GRID2: variants seen among roughly 807,000 people sequenced by gnomAD.
GRID2 encodes glutamate ionotropic receptor delta type subunit 2, also known as glutamate receptor ionotropic, delta-2.
In GRID2, 33 loss-of-function variants were observed where a neutral mutation model predicts 114.8. The ratio of observed to expected loss-of-function variants is 0.29; its 90% confidence interval spans 0.22 to 0.38. GRID2 has a LOEUF of 0.38. GRID2 is among the 10% of genes least tolerant of loss of function. The probability of loss-of-function intolerance (pLI) is 1.00; values close to 1 mark genes in which losing one functional copy is unlikely to be tolerated. For missense variants in GRID2, 1,184 were observed against 1,257.7 expected (o/e 0.94, Z 0.89); for synonymous variants, 505 against 449.9 (o/e 1.12, Z -1.55).
At chr4:93,596,688 G>A (rs114089713) in intron 13 of GRID2, among the ~76,000 whole-genome samples, 1,803 of 152,310 alleles carry the variant, frequency 0.012, 34 homozygotes, top group African/African-American at 0.041. Context: ...ATTGTTTTGT[G>A]TTGTAGCATT....
chr4:92,938,432 G>T (rs892339778), intron 2 of GRID2, among the ~76,000 whole-genome samples: 1 of 146,324 alleles, frequency 6.8e-6, no homozygotes, highest in Admixed American at 7.4e-5. Context: ...TTTCATAAGA[G>T]AAATAACTAT....
At chr4:93,725,034 GC>G (rs1374974110) in intron 14 of GRID2, among the ~76,000 whole-genome samples, 1 of 151,998 alleles carries the variant, frequency 6.6e-6, no homozygotes, top group Admixed American at 6.6e-5. Flanking sequence ...TGCACAATGT[GC>G]AGGTTTGTTA....
intron 2 of GRID2, among the ~76,000 whole-genome samples, chr4:92,879,106 C>T (rs891437853): frequency 2.0e-4 from 30 of 151,822 alleles, no homozygotes; most frequent in Admixed American, 5.9e-4. Flanking sequence ...TTTTCAATTT[C>T]GTTTAATGCA....
At chr4:92,411,815 C>A in intron 1 of GRID2, among the ~76,000 whole-genome samples, 1 of 151,534 alleles carries the variant, frequency 6.6e-6, no homozygotes, top group East Asian at 1.9e-4. Context: ...ACGCCATTCT[C>A]CTGCCTCAGC....
intron 8 of GRID2, among the ~76,000 whole-genome samples, chr4:93,292,138 A>T (rs906250518): frequency 6.6e-6 from 1 of 152,176 alleles, no homozygotes; most frequent in Non-Finnish European, 1.5e-5. Context: ...TACTCAGAGG[A>T]CAAATTTGAA....
intron 1 of GRID2, among the ~76,000 whole-genome samples, chr4:93,791,434 G>T (rs185466234): frequency 6.6e-6 from 1 of 152,002 alleles, no homozygotes; most frequent in Non-Finnish European, 1.5e-5. Flanking sequence ...AATTAGTAAG[G>T]CAGGTCTATT....
intron 14 of GRID2, among the ~76,000 whole-genome samples, chr4:93,701,163 C>A (rs934789516): frequency 6.6e-6 from 1 of 152,076 alleles, no homozygotes; most frequent in Non-Finnish European, 1.5e-5. Context: ...ATGTTTTATT[C>A]CTTCCTATAT....
chr4:92,348,875 C>G (rs989752438), intron 1 of GRID2, among the ~76,000 whole-genome samples: 1 of 152,006 alleles, frequency 6.6e-6, no homozygotes, highest in Non-Finnish European at 1.5e-5. Flanking sequence ...GGGTAGATAA[C>G]AAAGAGATTG....
intron 12 of GRID2, among the ~76,000 whole-genome samples, chr4:93,511,300 TA>T (rs1729150030): frequency 6.6e-6 from 1 of 152,190 alleles, no homozygotes; most frequent in African/African-American, 2.4e-5. Flanking sequence ...TACAGAAACC[TA>T]AAGCCACTCA....
chr4:93,601,579 T>C (rs1053666726), intron 13 of GRID2, among the ~76,000 whole-genome samples: 40 of 152,190 alleles, frequency 2.6e-4, no homozygotes, highest in African/African-American at 8.9e-4. Context: ...GATTAGTAAT[T>C]GAATCTATGC....
chr4:93,133,763 C>T (rs1355307447), intron 4 of GRID2, among the ~76,000 whole-genome samples: 2 of 151,970 alleles, frequency 1.3e-5, no homozygotes, highest in Non-Finnish European at 2.9e-5. Flanking sequence ...GTGAAGAAAG[C>T]CTTAGGAACA....
At chr4:93,361,756 T>A (rs1230850984) in intron 8 of GRID2, among the ~76,000 whole-genome samples, 1 of 152,154 alleles carries the variant, frequency 6.6e-6, no homozygotes, top group Non-Finnish European at 1.5e-5. Context: ...AGACACTATG[T>A]AAGGACAGCA....
chr4:93,331,578 A>T (rs566285576), intron 8 of GRID2, among the ~76,000 whole-genome samples: 1 of 152,078 alleles, frequency 6.6e-6, no homozygotes, highest in Non-Finnish European at 1.5e-5. Context: ...CCAAAAGTAT[A>T]TGATTTTAAT....
At chr4:92,407,056 G>A (rs1418380610) in intron 1 of GRID2, among the ~76,000 whole-genome samples, 1 of 151,106 alleles carries the variant, frequency 6.6e-6, no homozygotes. Flanking sequence ...GGGAAGCAAG[G>A]CACCTCTTAC....
At chr4:93,803,436 T>C (rs1734972330) in intron 1 of GRID2, among the ~76,000 whole-genome samples, 1 of 152,126 alleles carries the variant, frequency 6.6e-6, no homozygotes, top group East Asian at 1.9e-4. Flanking sequence ...AAACCACACC[T>C]TTTTTGGCCG....
intron 14 of GRID2, among the ~76,000 whole-genome samples, chr4:93,667,498 C>T (rs1200150009): frequency 6.6e-6 from 1 of 151,540 alleles, no homozygotes; most frequent in Non-Finnish European, 1.5e-5. Context: ...ATAATTCTAC[C>T]ATGAAGTGTC....
At chr4:92,507,548 CCA>C (rs1724039375) in intron 1 of GRID2, among the ~76,000 whole-genome samples, 1 of 151,466 alleles carries the variant, frequency 6.6e-6, no homozygotes, top group Admixed American at 6.6e-5. Context: ...ATTTCTGAGT[CCA>C]GTTTTTTTTA....
At chr4:93,299,284 A>G (rs547968610) in intron 8 of GRID2, among the ~76,000 whole-genome samples, 1 of 152,232 alleles carries the variant, frequency 6.6e-6, no homozygotes, top group Non-Finnish European at 1.5e-5. Context: ...ATCTACATAT[A>G]AATGCAGTAG....
At chr4:93,155,194 C>G (rs939450641) in intron 4 of GRID2, among the ~76,000 whole-genome samples, 2 of 151,800 alleles carry the variant, frequency 1.3e-5, no homozygotes. Flanking sequence ...TTCTTTCATT[C>G]AGTTATTCAC....
Sources: gnomAD v4.1 joint callset for allele counts (sites outside exome capture counted in the v4.1 genomes callset) on GRCh38, gnomAD v4.1.1 for gene constraint, MANE v1.5 for transcripts, NCBI Gene and HGNC (gene_info 2026-07-23, HGNC 2026-07-21) for gene names.